Variants in CTNNA2 observed in about 807,000 individuals in gnomAD.
CTNNA2 encodes catenin alpha 2, also known as catenin alpha-2.
In CTNNA2, 42 loss-of-function variants were observed where a neutral mutation model predicts 101.0. That is an observed-to-expected ratio of 0.42 (90% confidence interval 0.32 to 0.54). The LOEUF (loss-of-function observed/expected upper bound fraction) is 0.54, where lower values mean the gene tolerates loss of function less well. Ranked by LOEUF, CTNNA2 falls within the 20% of genes least tolerant of loss-of-function variation. The pLI, the probability that CTNNA2 is intolerant of heterozygous loss-of-function variation, is 0.14. For missense variants in CTNNA2, 871 were observed against 1,223.1 expected (o/e 0.71, Z 4.29); for synonymous variants, 450 against 456.4 (o/e 0.99, Z 0.18).
At chr2:79,201,571 A>G (rs1674036014) in intron 2 of CTNNA2, among the ~76,000 whole-genome samples, 1 of 152,160 alleles carries the variant, frequency 6.6e-6, no homozygotes. Context: ...AAGAGTTGGA[A>G]ATAAAAATTA....
chr2:79,256,218 T>A (rs1228117062), intron 2 of CTNNA2, among the ~76,000 whole-genome samples: 1 of 152,160 alleles, frequency 6.6e-6, no homozygotes, highest in Non-Finnish European at 1.5e-5. Flanking sequence ...GAGCCAAAGA[T>A]GCTGGGGAAG....
rs1198198127 is a variant in CTNNA2 at position 79,898,763 on chromosome 2, A to G, written c.853-10831A>G. Among the ~76,000 whole-genome samples, 14 of 152,200 alleles carry G rather than the reference A, an allele frequency of 9.2e-5. No individual in the cohort carries two copies. The East Asian group carries it at 2.7e-3, about 29-fold the overall frequency. Reference sequence around the variant, plus strand: ...TACATCTGATATTTGAGGTGATGGCAGAACTCCCAACAGATCATGTCCAGT... The same window carrying G: ...TACATCTGATATTTGAGGTGATGGCGGAACTCCCAACAGATCATGTCCAGT... On this transcript the variant is annotated intron_variant, in intron 6 of 18. Coordinates refer to ENST00000402739, the MANE Select transcript of CTNNA2 (RefSeq NM_001282597.3).
intron 1 of CTNNA2, among the ~76,000 whole-genome samples, chr2:79,527,505 C>A (rs1174188398): frequency 6.7e-6 from 1 of 148,810 alleles, no homozygotes; most frequent in Non-Finnish European, 1.5e-5. Flanking sequence ...ATTAACCAGG[C>A]CTGGTGGTTG....
chr2:80,135,747 T>C (rs1443708316), intron 7 of CTNNA2, among the ~76,000 whole-genome samples: 1 of 152,142 alleles, frequency 6.6e-6, no homozygotes, highest in Non-Finnish European at 1.5e-5. Flanking sequence ...GAAACTGCAT[T>C]GGGAGACCTC....
At chr2:80,134,017 G>A (rs527414732) in intron 7 of CTNNA2, among the ~76,000 whole-genome samples, 24 of 152,192 alleles carry the variant, frequency 1.6e-4, no homozygotes, top group African/African-American at 4.3e-4. Context: ...CTCAGAGTAC[G>A]TGACAATGAC....
At chr2:80,170,209 A>G (rs1900257) in intron 7 of CTNNA2, among the ~76,000 whole-genome samples, 88,037 of 143,618 alleles carry the variant, frequency 0.61, 26,351 homozygotes, top group Non-Finnish European at 0.65. Context: ...CTCTCTCTCT[A>G]TCTCTCTCTC....
chr2:79,482,954 T>C lies in CTNNA2; in HGVS notation c.-134-22100T>C, dbSNP rs931878905. On this transcript the variant is annotated intron_variant, in intron 4 of 21. Transcript: ENST00000466387. Reference sequence around the variant, plus strand: ...TCATACAATACATAGCAAAGCTTCTTACAACATAGAATCATCCAGCAGACT... The same window carrying C: ...TCATACAATACATAGCAAAGCTTCTCACAACATAGAATCATCCAGCAGACT... Among the ~76,000 whole-genome samples the C allele has an allele frequency of 3.3e-5, 5 of 152,188 alleles. No homozygotes were observed. In the East Asian group the frequency reaches 9.6e-4, roughly 29 times the overall value.
intron 7 of CTNNA2, among the ~76,000 whole-genome samples, chr2:79,930,025 T>C (rs890928842): frequency 1.3e-5 from 2 of 151,924 alleles, no homozygotes; most frequent in Non-Finnish European, 2.9e-5. Flanking sequence ...TCACCTGAGG[T>C]TGGAAGTTTG....
In CTNNA2 at chr2:79,763,977, C is replaced by T. The variant is rs61435661; in HGVS notation, c.298+19395C>T. Among the ~76,000 whole-genome samples the T allele has an allele frequency of 3.7e-3, 564 of 152,332 alleles. 2 individuals are homozygous for T. Among genetic ancestry groups the T allele is most frequent in the African/African-American group, 0.013 (521 of 41,586 alleles). The stretch of plus-strand genomic sequence containing the variant: ...CTTAGAGTTAAGGCAACAGCCCACT[C>T]CATCCACTCCCCTCCCTGCATGAAG... On this transcript the variant is annotated intron_variant, in intron 3 of 18. Coordinates refer to ENST00000402739, the MANE Select transcript of CTNNA2 (RefSeq NM_001282597.3).
At chr2:80,076,509 C>T (rs1698762554) in intron 7 of CTNNA2, among the ~76,000 whole-genome samples, 1 of 151,816 alleles carries the variant, frequency 6.6e-6, no homozygotes, top group Non-Finnish European at 1.5e-5. Context: ...TCTCGCATTC[C>T]TGGGCTCAAG....
At chr2:79,187,276 T>TTTC in intron 1 of CTNNA2, among the ~76,000 whole-genome samples, 9 of 136,504 alleles carry the variant, frequency 6.6e-5, no homozygotes, top group African/African-American at 2.5e-4. Flanking sequence ...TTTTCTTTTT[T>TTTC]TTTTTTTTTT....
intron 5 of CTNNA2, among the ~76,000 whole-genome samples, chr2:79,507,433 A>T (rs13413680): frequency 0.1 from 15,355 of 151,994 alleles, 882 homozygotes; most frequent in East Asian, 0.19. Flanking sequence ...TAAAAGGAGA[A>T]TTCAGCCCCC....
intron 7 of CTNNA2, among the ~76,000 whole-genome samples, chr2:80,213,264 T>A (rs931941441): frequency 6.6e-6 from 1 of 152,138 alleles, no homozygotes; most frequent in Non-Finnish European, 1.5e-5. Flanking sequence ...AGTTTTTGAA[T>A]GTGTTTGCTC....
At chr2:80,559,891 T>TATATATATAGATACACACACACACAC (rs1553387588) in intron 12 of CTNNA2, among the ~76,000 whole-genome samples, 1 of 146,818 alleles carries the variant, frequency 6.8e-6, no homozygotes, top group African/African-American at 2.6e-5. Flanking sequence ...TATATATATA[T>TATATATATAGATACACACACACACAC]ACACACACAT....
intron 3 of CTNNA2, among the ~76,000 whole-genome samples, chr2:79,354,596 T>A (rs1306369865): frequency 6.6e-6 from 1 of 152,210 alleles, no homozygotes; most frequent in Non-Finnish European, 1.5e-5. Context: ...TTGGATTCCT[T>A]AGATTGGGTT....
At chr2:79,246,008 G>A (rs1674695480) in intron 2 of CTNNA2, among the ~76,000 whole-genome samples, 1 of 152,174 alleles carries the variant, frequency 6.6e-6, no homozygotes, top group Non-Finnish European at 1.5e-5. Context: ...CTGTCTCTTA[G>A]CATCCATCAT....
chr2:79,405,171 G>T (rs1678328083), intron 4 of CTNNA2, among the ~76,000 whole-genome samples: 2 of 152,068 alleles, frequency 1.3e-5, no homozygotes, highest in African/African-American at 4.8e-5. Context: ...AGAGGTGAAA[G>T]ACTCAGCTGC....
intron 6 of CTNNA2, among the ~76,000 whole-genome samples, chr2:79,896,905 G>T (rs1036551203): frequency 6.6e-6 from 1 of 152,172 alleles, no homozygotes; most frequent in Non-Finnish European, 1.5e-5. Context: ...ATACTGGGGT[G>T]GGGCAATGCA....
intron 7 of CTNNA2, among the ~76,000 whole-genome samples, chr2:80,063,173 A>G (rs1407175242): frequency 7.9e-5 from 12 of 152,060 alleles, no homozygotes; most frequent in Admixed American, 7.9e-4. Flanking sequence ...TGCCTGTGAA[A>G]TCTTCTCCTC....
Sources: gnomAD v4.1 joint callset for allele counts (sites outside exome capture counted in the v4.1 genomes callset) on GRCh38, gnomAD v4.1.1 for gene constraint, MANE v1.5 for transcripts, NCBI Gene and HGNC (gene_info 2026-07-23, HGNC 2026-07-21) for gene names.